MEDAG: variants seen among roughly 807,000 people sequenced by gnomAD.
MEDAG encodes mesenteric estrogen dependent adipogenesis, also known as mesenteric estrogen-dependent adipogenesis protein.
A neutral mutation model predicts 29.9 loss-of-function variants in MEDAG; 25 were observed. That is an observed-to-expected ratio of 0.84 (90% CI 0.61 to 1.17). The LOEUF is 1.17. Among genes scored for constraint, MEDAG ranks in the 50% most tolerant of loss-of-function variants. The pLI, the probability that MEDAG is intolerant of heterozygous loss-of-function variation, is 0.00. For missense variants in MEDAG, 398 were observed against 372.9 expected (o/e 1.07, Z -0.56); for synonymous variants, 158 against 148.2 (o/e 1.07, Z -0.48).
At chr13:30,908,617 C>T (rs541185652) in intron 1 of MEDAG, among the ~76,000 whole-genome samples, 4 of 152,204 alleles carry the variant, frequency 2.6e-5, no homozygotes, top group South Asian at 4.1e-4. Context: ...ATATCTAAAG[C>T]TTCGTTCCTC....
chr13:30,915,575 A>C (rs1237553289), intron 1 of MEDAG, among the ~76,000 whole-genome samples: 3 of 151,956 alleles, frequency 2.0e-5, no homozygotes, highest in African/African-American at 7.3e-5. Flanking sequence ...TTCTTTCTCT[A>C]GTAACTTTTG....
chr13:30,924,348 C>G lies in MEDAG; in HGVS notation c.825C>G (p.Pro275=). ...ATGTTTTTAACTGCAATCTGTCACC[C>G]AGATCATCTCTGACAGAGCCTCTTT... is the stretch of plus-strand genomic sequence containing the variant. ...IDDVFNCNLS[P]RSSLTEPLLA... is the part of the protein sequence containing the mutation. Residue 275 remains proline (P), a synonymous_variant, in exon 5 of 5, where the codon CCC becomes CCG. Coordinates refer to ENST00000380482, the MANE Select transcript of MEDAG (RefSeq NM_032849.4). 5 of 1,613,972 alleles carry G rather than the reference C, an allele frequency of 3.1e-6. No homozygotes were observed. Among genetic ancestry groups the G allele is most frequent in the Non-Finnish European group, 4.2e-6 (5 of 1,179,916 alleles).
rs1213132529 is a variant in MEDAG, at chr13:30,925,025, G to T, written c.*590G>T. 2.6e-5 allele frequency: 4 copies of T among 152,144 alleles called. No individual in the cohort carries two copies. The highest frequency in any genetic ancestry group is 5.9e-5 in the Non-Finnish European group (4 of 68,034). The allele number at this position is 152,144 out of a possible 1,614,324, so 9.4% of individuals were successfully genotyped here. A position where few individuals can be genotyped will look rare whatever the true frequency, so the allele number is the denominator to read the frequency against. ...ACCTATGAGAAACGTTCACAGTGAG[G>T]AGTAGCCAGGTTGCTAGGACAGTAA... On this transcript the variant is annotated 3_prime_UTR_variant, in exon 5 of 5. Coordinates refer to ENST00000380482, the MANE Select transcript of MEDAG (RefSeq NM_032849.4).
Position 30,909,983 on chromosome 13 carries a change from C to T in MEDAG, c.278+3190C>T, listed in dbSNP as rs543644817. ...AGTGATGACCACCAGCTCTAAAGCT[C>T]CTTCAAAAACCTACTTTAAAAATAT... is the stretch of plus-strand genomic sequence containing the variant. On this transcript the variant is annotated intron_variant, in intron 1 of 4. Transcript: ENST00000380482. Among the ~76,000 whole-genome samples the T allele has an allele frequency of 5.5e-4, 83 of 152,234 alleles. No homozygotes were observed. The South Asian group carries it at 0.011, about 19-fold the overall frequency.
At chr13:30,910,213 C>CACAT (rs1470691026) in intron 1 of MEDAG, among the ~76,000 whole-genome samples, 1 of 151,804 alleles carries the variant, frequency 6.6e-6, no homozygotes, top group Non-Finnish European at 1.5e-5. Context: ...CACACACACA[C>CACAT]ACACATGTTT....
At chr13:30,913,765 G>A (rs762464965) in intron 1 of MEDAG, among the ~76,000 whole-genome samples, 2 of 152,162 alleles carry the variant, frequency 1.3e-5, no homozygotes, top group African/African-American at 2.4e-5. Flanking sequence ...TAAAGGCCGG[G>A]TGTGATGGCT....
At chr13:30,920,200 G>C (rs1268778401) in intron 2 of MEDAG, among the ~76,000 whole-genome samples, 1 of 152,174 alleles carries the variant, frequency 6.6e-6, no homozygotes, top group African/African-American at 2.4e-5. Flanking sequence ...TAGGGGTAGG[G>C]GTGGAGGTGG....
chr13:30,914,707 G>A (rs1593506569), intron 1 of MEDAG, among the ~76,000 whole-genome samples: 1 of 152,174 alleles, frequency 6.6e-6, no homozygotes, highest in African/African-American at 2.4e-5. Context: ...AGGGAAAACT[G>A]ATTGTTCTCT....
At chr13:30,921,517 T>C in intron 3 of MEDAG, 44 bp from the exon 4 acceptor site, 1 of 1,531,624 alleles carries the variant, frequency 6.5e-7, no homozygotes, top group East Asian at 2.3e-5. Flanking sequence ...GTCAACAGGA[T>C]ACTTATGTCC....
At chr13:30,917,892 C>A (rs571140586) in intron 2 of MEDAG, among the ~76,000 whole-genome samples, 36 of 152,286 alleles carry the variant, frequency 2.4e-4, no homozygotes, top group African/African-American at 8.4e-4. Flanking sequence ...GGACACAAAT[C>A]CAAACCATAT....
intron 1 of MEDAG, among the ~76,000 whole-genome samples, chr13:30,914,022 A>G (rs981398980): frequency 3.6e-5 from 5 of 139,346 alleles, no homozygotes; most frequent in South Asian, 4.2e-4. Flanking sequence ...AGCCTGGGTG[A>G]AAGAGTGAGA....
intron 1 of MEDAG, among the ~76,000 whole-genome samples, chr13:30,915,855 C>T (rs970682535): frequency 6.6e-6 from 1 of 152,204 alleles, no homozygotes; most frequent in African/African-American, 2.4e-5. Flanking sequence ...CCATCGTCCT[C>T]TCCTCTACTC....
chr13:30,924,465 G>T lies in MEDAG; in HGVS notation c.*30G>T, dbSNP rs146713994. 1.9e-6 allele frequency: 3 copies of T among 1,609,778 alleles called. No individual in the cohort carries two copies. Among genetic ancestry groups the T allele is most frequent in the Non-Finnish European group, 2.5e-6 (3 of 1,177,784 alleles). On this transcript the variant is annotated 3_prime_UTR_variant, in exon 5 of 5. Transcript: ENST00000380482. ...ACTGAACATTGTAGCAGTTGCTCCC[G>T]CACTCCAGGCCTGTGCTAGACTATA...
rs1315537539 is a variant in MEDAG, at chr13:30,924,519, C to A, written c.*84C>A. 7 of 1,351,698 alleles carry A rather than the reference C, an allele frequency of 5.2e-6. No homozygotes were observed. The highest frequency in any genetic ancestry group is 5.0e-6 in the Non-Finnish European group (5 of 993,544). 83.7% of individuals were successfully genotyped at this position (1,351,698 alleles called of 1,614,324 possible). A position where few individuals can be genotyped will look rare whatever the true frequency, so the allele number is the denominator to read the frequency against. On this transcript the variant is annotated 3_prime_UTR_variant, in exon 5 of 5. Transcript: ENST00000380482. ...TGGGGGGAGGGTAGGAGGTGGGAGG[C>A]AGATACTTCCACCTGCGTGTCAATC...
intron 1 of MEDAG, chr13:30,916,080 G>C (rs1593507594): frequency 6.6e-6 from 1 of 152,130 alleles, no homozygotes; most frequent in Non-Finnish European, 1.5e-5. Flanking sequence ...GGTTTTAAAT[G>C]CTCTCAAAAT....
At chr13:30,917,317 T>C in intron 1 of MEDAG, 86 bp from the exon 2 acceptor site, 1 of 809,866 alleles carries the variant, frequency 1.2e-6, no homozygotes, top group Non-Finnish European at 2.2e-6. Flanking sequence ...GGTCTGTGGC[T>C]GTGGCAGATA....
chr13:30,910,016 A>G (rs1315144336), intron 1 of MEDAG, among the ~76,000 whole-genome samples: 1 of 152,108 alleles, frequency 6.6e-6, no homozygotes, highest in African/African-American at 2.4e-5. Context: ...TATTTGTCCT[A>G]TTTTGTAGGA....
At chr13:30,907,277 G>A (rs913463378) in intron 1 of MEDAG, among the ~76,000 whole-genome samples, 1 of 152,234 alleles carries the variant, frequency 6.6e-6, no homozygotes, top group African/African-American at 2.4e-5. Context: ...AGACCGAGTG[G>A]AGAAGCATGC....
intron 1 of MEDAG, among the ~76,000 whole-genome samples, chr13:30,912,035 G>C (rs933744186): frequency 1.2e-4 from 18 of 152,116 alleles, no homozygotes; most frequent in African/African-American, 4.3e-4. Context: ...TCTCATCTCT[G>C]TGTCCCCAGT....
Sources: allele counts gnomAD v4.1 joint callset (sites outside exome capture counted in the v4.1 genomes callset), GRCh38; gene constraint gnomAD v4.1.1; transcripts MANE v1.5; gene names NCBI Gene and HGNC (gene_info 2026-07-23, HGNC 2026-07-21).